MTA3: variants seen among roughly 807,000 people sequenced by gnomAD.
MTA3 encodes metastasis associated 1 family member 3, also known as metastasis-associated protein MTA3.
Under a neutral mutation model 83.5 loss-of-function variants are expected in MTA3, and 34 were observed. The observed-to-expected ratio is 0.41, with a 90% CI of 0.31 to 0.54. The LOEUF (loss-of-function observed/expected upper bound fraction) is 0.54, where lower values mean the gene tolerates loss of function less well. Among genes scored for constraint, MTA3 ranks in the 20% least tolerant of loss-of-function variants. The pLI, the probability that MTA3 is intolerant of heterozygous loss-of-function variation, is 0.33. For missense variants in MTA3, 761 were observed against 726.4 expected (o/e 1.05, Z -0.55); for synonymous variants, 303 against 252.7 (o/e 1.20, Z -1.89).
intron 11 of MTA3, 36 bp from the exon 12 acceptor site, chr2:42,704,158 A>C: frequency 6.2e-7 from 1 of 1,603,612 alleles, no homozygotes; most frequent in Non-Finnish European, 8.5e-7. Context: ...TTATTGTACA[A>C]ATCATTTTAT....
intron 11 of MTA3, among the ~76,000 whole-genome samples, chr2:42,700,672 C>T (rs904611191): frequency 6.6e-6 from 1 of 152,122 alleles, no homozygotes; most frequent in African/African-American, 2.4e-5. Flanking sequence ...TCAGTTCTAT[C>T]TATATATAGT....
intron 9 of MTA3, among the ~76,000 whole-genome samples, chr2:42,690,121 A>G (rs1692745873): frequency 6.6e-6 from 1 of 152,136 alleles, no homozygotes; most frequent in Non-Finnish European, 1.5e-5. Flanking sequence ...CTGTGAATGA[A>G]TAGCTACTGC....
intron 16 of MTA3, among the ~76,000 whole-genome samples, chr2:42,745,784 AT>A (rs1156467635): frequency 9.4e-5 from 12 of 126,990 alleles, no homozygotes; most frequent in African/African-American, 3.3e-4. Flanking sequence ...TATTGGGTAT[AT>A]TTGTATTTAG....
chr2:42,669,392 A>G (rs1376248944), intron 8 of MTA3, among the ~76,000 whole-genome samples: 1 of 152,160 alleles, frequency 6.6e-6, no homozygotes. Context: ...GCCAGAAAAT[A>G]TTAATCTTTT....
chr2:42,749,433 T>C (rs995423622), intron 16 of MTA3, among the ~76,000 whole-genome samples: 5 of 152,208 alleles, frequency 3.3e-5, no homozygotes, highest in African/African-American at 1.2e-4. Context: ...GGTTGCTCTC[T>C]AGTACTTTCA....
intron 12 of MTA3, 105 bp from the exon 13 acceptor site, chr2:42,707,798 T>C: frequency 8.0e-7 from 1 of 1,250,496 alleles, no homozygotes; most frequent in Non-Finnish European, 1.1e-6. Flanking sequence ...ACAATAACAT[T>C]GTAAACTAAG....
intron 1 of MTA3, chr2:42,569,874 C>T (rs1678271999): frequency 6.6e-6 from 1 of 152,284 alleles, no homozygotes; most frequent in East Asian, 1.9e-4. Context: ...TCCCCCGGCC[C>T]CCTTTTTTCC....
chr2:42,581,385 T>G (rs941998130), intron 3 of MTA3, among the ~76,000 whole-genome samples: 2 of 141,586 alleles, frequency 1.4e-5, no homozygotes, highest in South Asian at 2.3e-4. Flanking sequence ...TTTTTTTTTT[T>G]CGGAGACAGG....
At chr2:42,707,737 C>G (rs1193507722) in intron 12 of MTA3, among the ~76,000 whole-genome samples, 166 bp from the exon 13 acceptor site, 2 of 152,038 alleles carry the variant, frequency 1.3e-5, no homozygotes, top group Non-Finnish European at 2.9e-5. Context: ...TTAATGAATT[C>G]TGAGTATTAA....
chr2:42,595,715 A>T (rs1681714942), intron 3 of MTA3, among the ~76,000 whole-genome samples: 1 of 151,990 alleles, frequency 6.6e-6, no homozygotes, highest in African/African-American at 2.4e-5. Context: ...GTATATATAT[A>T]TTTTTTCAGA....
intron 4 of MTA3, among the ~76,000 whole-genome samples, chr2:42,616,159 A>T (rs1383667968): frequency 1.3e-5 from 2 of 151,996 alleles, no homozygotes; most frequent in Non-Finnish European, 2.9e-5. Flanking sequence ...TCCCGGTTTC[A>T]AGCGATTCTC....
At chr2:42,537,853 T>C (rs879788248) in intron 2 of MTA3, among the ~76,000 whole-genome samples, 10 of 152,142 alleles carry the variant, frequency 6.6e-5, no homozygotes, top group African/African-American at 9.7e-5. Context: ...TCTTTCTTCT[T>C]AGGAGATATA....
chr2:42,649,925 G>A (rs1166774681), intron 6 of MTA3, among the ~76,000 whole-genome samples: 4 of 152,150 alleles, frequency 2.6e-5, no homozygotes, highest in South Asian at 2.1e-4. Flanking sequence ...TATGCTTGGC[G>A]CAAATGGCAA....
chr2:42,715,577 G>A (rs890984200), intron 14 of MTA3, among the ~76,000 whole-genome samples: 4 of 151,968 alleles, frequency 2.6e-5, no homozygotes, highest in African/African-American at 4.8e-5. Context: ...AGTGAAATAT[G>A]CTTCTTTCTA....
intron 11 of MTA3, among the ~76,000 whole-genome samples, chr2:42,699,812 G>A (rs1045397191): frequency 2.6e-5 from 4 of 152,182 alleles, no homozygotes; most frequent in African/African-American, 9.7e-5. Context: ...CTTAAACTCA[G>A]TGTGGGAAGG....
chr2:42,693,054 T>A (rs1314189780), intron 9 of MTA3, among the ~76,000 whole-genome samples: 1 of 151,436 alleles, frequency 6.6e-6, no homozygotes, highest in Non-Finnish European at 1.5e-5. Context: ...ACTCTTGTTC[T>A]TTTCCCTTTC....
At chr2:42,652,718 A>G (rs892743160) in intron 6 of MTA3, among the ~76,000 whole-genome samples, 2 of 152,096 alleles carry the variant, frequency 1.3e-5, no homozygotes, top group Non-Finnish European at 2.9e-5. Context: ...TAAAATCTCC[A>G]ATTTTATTTC....
At chr2:42,738,745 C>T (rs1212996090) in intron 16 of MTA3, among the ~76,000 whole-genome samples, 5 of 152,172 alleles carry the variant, frequency 3.3e-5, no homozygotes, top group African/African-American at 9.7e-5. Flanking sequence ...CAGCATGGAA[C>T]GTCCCTGAGA....
At chr2:42,536,858 CAAAAA>C (rs71410118) in intron 2 of MTA3, among the ~76,000 whole-genome samples, 2 of 84,322 alleles carry the variant, frequency 2.4e-5, no homozygotes, top group African/African-American at 4.8e-5. Flanking sequence ...GACCCCATCT[CAAAAA>C]AAAAAAAAAA....
Sources: gnomAD v4.1 joint callset for allele counts (sites outside exome capture counted in the v4.1 genomes callset) on GRCh38, gnomAD v4.1.1 for gene constraint, MANE v1.5 for transcripts, NCBI Gene and HGNC (gene_info 2026-07-23, HGNC 2026-07-21) for gene names.